The following EP400 variants were observed in gnomAD, a reference collection of about 807,000 sequenced individuals.
EP400 encodes E1A-binding protein p400.
Under a neutral mutation model 354.1 loss-of-function variants are expected in EP400, and 105 were observed. That is an observed-to-expected ratio of 0.30 (90% CI 0.25 to 0.35). The LOEUF (loss-of-function observed/expected upper bound fraction) is 0.35, where lower values mean the gene tolerates loss of function less well. Ranked by LOEUF, EP400 falls within the 10% of genes least tolerant of loss-of-function variation. The pLI, the probability that EP400 is intolerant of heterozygous loss-of-function variation, is 1.00. For synonymous variants in EP400, 1,646 were observed against 1,716.9 expected, an observed-to-expected ratio of 0.96 and a Z score of 1.02; for missense variants, 3,280 against 4,121.0, an observed-to-expected ratio of 0.80 and a Z score of 5.59.
chr12:132,059,861 A>AC (rs1491327539), intron 45 of EP400, among the ~76,000 whole-genome samples: 1 of 123,090 alleles, frequency 8.1e-6, no homozygotes. Flanking sequence ...CAGAAAATAC[A>AC]AAAAAAAAAA....
intron 2 of EP400, among the ~76,000 whole-genome samples, chr12:131,965,934 A>G (rs1892059587): frequency 6.6e-6 from 1 of 152,040 alleles, no homozygotes; most frequent in Non-Finnish European, 1.5e-5. Flanking sequence ...GTTCACATAC[A>G]GTTTTTCATG....
At chr12:132,030,546 G>C (rs1894453936) in intron 29 of EP400, among the ~76,000 whole-genome samples, 2 of 152,168 alleles carry the variant, frequency 1.3e-5, no homozygotes, top group African/African-American at 4.8e-5. Context: ...GTTTCATCAG[G>C]CACAGTGAGT....
chr12:132,069,770 T>G (rs1593389509), intron 51 of EP400, 129 bp downstream of exon 51: 3 of 1,387,318 alleles, frequency 2.2e-6, no homozygotes, highest in Non-Finnish European at 1.9e-6. Context: ...GAGGGAAGTG[T>G]TGTCTCCTGG....
intron 41 of EP400, among the ~76,000 whole-genome samples, chr12:132,051,921 C>T (rs1159513674): frequency 6.6e-6 from 1 of 152,192 alleles, no homozygotes; most frequent in Non-Finnish European, 1.5e-5. Context: ...TTCCCAGACG[C>T]TGGCGTTACC....
rs1477449540 is a variant in EP400 at position 132,067,263 on chromosome 12, T to A, written c.8750-99T>A. The A allele has an allele frequency of 3.5e-5, 52 of 1,503,910 alleles. No individual in the cohort carries two copies. Among genetic ancestry groups the A allele is most frequent in the Admixed American group, 1.7e-4 (8 of 46,150 alleles). The allele number at this position is 1,503,910 out of a possible 1,614,324, so 93.2% of individuals were successfully genotyped here. A position where few individuals can be genotyped will look rare whatever the true frequency, so the allele number is the denominator to read the frequency against. ...CTTGTCTCCATAGAGTTTCATAGTT[T>A]GTTATTTTCTGTAGAGGTGAGTCAG... is the stretch of plus-strand genomic sequence containing the variant. On this transcript the variant is annotated intron_variant, in intron 49 of 52. Transcript: ENST00000389561. The surrounding 1 kb of genome is among the most constrained non-coding windows in gnomAD (Gnocchi z 5.3).
In EP400 at chr12:132,075,480, G is replaced by C. The variant is rs983563435; in HGVS notation, c.9022-1036G>C. Among the ~76,000 whole-genome samples the C allele has an allele frequency of 6.6e-6, 1 of 152,206 alleles. No homozygotes were observed. Among genetic ancestry groups the C allele is most frequent in the Non-Finnish European group, 1.5e-5 (1 of 68,040 alleles). Reference sequence around the variant, plus strand: ...AAGACGTCTCAGGATTTTCAGTGCTGTGCCAAGTAAGTCCTGGACCATTGT... The same window carrying C: ...AAGACGTCTCAGGATTTTCAGTGCTCTGCCAAGTAAGTCCTGGACCATTGT... On this transcript the variant is annotated intron_variant, in intron 51 of 52. Transcript: ENST00000389561. This position sits in a 1 kb window ranked among gnomAD's most constrained non-coding sequence, Gnocchi z 4.5.
intron 47 of EP400, among the ~76,000 whole-genome samples, chr12:132,064,080 C>G (rs1593385062): frequency 6.8e-6 from 1 of 148,046 alleles, no homozygotes; most frequent in East Asian, 2.0e-4. Flanking sequence ...GGTTCAACCA[C>G]TGATGACCCC....
intron 47 of EP400, 96 bp from the exon 48 acceptor site, chr12:132,064,572 T>C (rs1895824506): frequency 6.7e-7 from 1 of 1,489,668 alleles, no homozygotes. Context: ...CTTTGGTATT[T>C]AATGGGCAGT....
intron 32 of EP400, among the ~76,000 whole-genome samples, chr12:132,042,582 A>G (rs11246908): frequency 0.3 from 45,060 of 152,168 alleles, 11,672 homozygotes; most frequent in African/African-American, 0.71. Context: ...GTATCGTGTC[A>G]AAGTAGTGTT....
Position 132,029,648 on chromosome 12 carries a change from G to A in EP400, c.5382-53G>A. The stretch of plus-strand genomic sequence containing the variant: ...CCCATCTTTCAGGAGCCCCCATGCT[G>A]GGTGAAGGTGTGTGGCTCCTGGTGG... On this transcript the variant is annotated intron_variant, in intron 27 of 52. Transcript: ENST00000389561. The surrounding 1 kb of genome is among the most constrained non-coding windows in gnomAD (Gnocchi z 4.7). The A allele has an allele frequency of 2.5e-6, 4 of 1,576,014 alleles. No homozygotes were observed. The highest frequency in any genetic ancestry group is 3.5e-6 in the Non-Finnish European group (4 of 1,151,384).
chr12:132,034,944 G>A (rs1233902406), intron 30 of EP400, among the ~76,000 whole-genome samples: 1 of 152,218 alleles, frequency 6.6e-6, no homozygotes, highest in Admixed American at 6.5e-5. Flanking sequence ...AGGAAGCCAA[G>A]CGTTGTACAG....
intron 48 of EP400, chr12:132,066,188 T>C (rs1895885050): frequency 6.6e-6 from 1 of 152,434 alleles, no homozygotes; most frequent in Non-Finnish European, 1.5e-5. Flanking sequence ...CACACAGATA[T>C]GAACAGTGGC....
Position 131,958,518 on chromosome 12 carries a change from A to T in EP400, c.-35-2067A>T, listed in dbSNP as rs141877419. Among the ~76,000 whole-genome samples, 358 of 152,320 alleles carry T rather than the reference A, an allele frequency of 2.4e-3. 3 individuals are homozygous for T. The highest frequency in any genetic ancestry group is 3.6e-3 in the Admixed American group (55 of 15,302). On this transcript the variant is annotated intron_variant, in intron 1 of 52. Coordinates refer to ENST00000389561, the MANE Select transcript of EP400 (RefSeq NM_015409.5). ...TTGATTTCATATATACATGTATTTC[A>T]GCCAGGTACCCAAGACTTAGAAGAG...
At position 131,960,566 on chromosome 12, in the gene EP400, T is replaced by G; in HGVS notation, c.-35-19T>G. 1.3e-6 allele frequency: 2 copies of G among 1,519,842 alleles called. No homozygotes were observed. Among genetic ancestry groups the G allele is most frequent in the Middle Eastern group, 1.7e-4 (1 of 5,750 alleles). The allele number at this position is 1,519,842 out of a possible 1,614,324, so 94.1% of individuals were successfully genotyped here. Reference sequence around the variant, plus strand: ...TTATGTGTGCCTTCAAGTGACTTGATTTTAATTTTAATTTTTAGGAGAACG... The same window carrying G: ...TTATGTGTGCCTTCAAGTGACTTGAGTTTAATTTTAATTTTTAGGAGAACG... On this transcript the variant is annotated intron_variant, in intron 1 of 52. Coordinates refer to ENST00000389561, the MANE Select transcript of EP400 (RefSeq NM_015409.5).
intron 5 of EP400, 61 bp downstream of exon 5, chr12:131,982,539 T>C: frequency 1.3e-6 from 2 of 1,531,228 alleles, no homozygotes; most frequent in Non-Finnish European, 1.8e-6. Context: ...GCTACCTGTG[T>C]GTTAGACAGA....
chr12:131,984,993 T>C lies in EP400; in HGVS notation c.1930-1521T>C, dbSNP rs563844619. Among the ~76,000 whole-genome samples, 288 of 152,236 alleles carry C rather than the reference T, an allele frequency of 1.9e-3. 1 individual carries two copies. Among genetic ancestry groups the C allele is most frequent in the Non-Finnish European group, 1.9e-3 (129 of 68,020 alleles). ...TGATCATTTTACAATGCACATAATA[T>C]CTTATGCATGCTTAGGCAACTGTTT... On this transcript the variant is annotated intron_variant, in intron 5 of 52. Transcript: ENST00000389561.
At chr12:131,996,295 CT>C (rs575217796) in intron 12 of EP400, among the ~76,000 whole-genome samples, 265 of 128,144 alleles carry the variant, frequency 2.1e-3, no homozygotes, top group South Asian at 3.4e-3. Flanking sequence ...GGAAGGAACT[CT>C]TTTTTTTTTT....
intron 2 of EP400, among the ~76,000 whole-genome samples, chr12:131,974,693 C>A (rs1052168434): frequency 1.3e-5 from 2 of 151,838 alleles, no homozygotes; most frequent in African/African-American, 4.8e-5. Flanking sequence ...GGTTTTTGAT[C>A]AAAATCAAGG....
In EP400 at chr12:132,027,114, G is replaced by A. The variant is rs1177578851; in HGVS notation, c.5015-323G>A. On this transcript the variant is annotated intron_variant, in intron 25 of 52. Transcript: ENST00000389561. The surrounding 1 kb of genome is among the most constrained non-coding windows in gnomAD (Gnocchi z 4.9). ...TGTGCTGATGGCGATGGGGTACCCA[G>A]GGCCTCGGAGGTGTGCTGGGATGCT... Among the ~76,000 whole-genome samples the A allele has an allele frequency of 6.6e-6, 1 of 152,200 alleles. No homozygotes were observed. Among genetic ancestry groups the A allele is most frequent in the East Asian group, 1.9e-4 (1 of 5,182 alleles).
Sources: allele counts gnomAD v4.1 joint callset (sites outside exome capture counted in the v4.1 genomes callset), GRCh38; gene constraint gnomAD v4.1.1; non-coding constraint Gnocchi (gnomAD v3.1); transcripts MANE v1.5; gene names NCBI Gene and HGNC (gene_info 2026-07-23, HGNC 2026-07-21).